The following EIF2A variants were observed in gnomAD, a reference collection of about 807,000 sequenced individuals.
EIF2A encodes 65 kDa eukaryotic translation initiation factor 2A.
Under a neutral mutation model 75.2 loss-of-function variants are expected in EIF2A, and 62 were observed. The observed-to-expected ratio is 0.82, with a 90% CI of 0.67 to 1.02. EIF2A has a LOEUF of 1.02. EIF2A is among the 50% of genes least tolerant of loss of function. EIF2A has a pLI of 0.00. For synonymous variants in EIF2A, 207 were observed against 239.0 expected (o/e 0.87, Z 1.23); for missense variants, 611 against 677.7 (o/e 0.90, Z 1.09).
intron 3 of EIF2A, among the ~76,000 whole-genome samples, chr3:150,559,710 C>CTAACTCCT (rs1344110454): frequency 3.3e-5 from 5 of 151,942 alleles, no homozygotes; most frequent in African/African-American, 1.2e-4. Context: ...AGGCTGGTCT[C>CTAACTCCT]TAACTCCTGA....
intron 9 of EIF2A, among the ~76,000 whole-genome samples, chr3:150,570,581 G>GAAAAAAAAAAAAT: frequency 7.2e-6 from 1 of 139,704 alleles, no homozygotes; most frequent in African/African-American, 2.6e-5. Flanking sequence ...AAAAAAAGAA[G>GAAAAAAAAAAAAT]AAGAAAAAAA....
intron 11 of EIF2A, among the ~76,000 whole-genome samples, chr3:150,581,264 T>C (rs1275588185): frequency 1.3e-5 from 2 of 152,198 alleles, no homozygotes; most frequent in African/African-American, 4.8e-5. Context: ...ATCATACATA[T>C]TCTTTATAGT....
intron 2 of EIF2A, among the ~76,000 whole-genome samples, chr3:150,557,035 A>G (rs73001332): frequency 0.15 from 22,536 of 152,212 alleles, 1,695 homozygotes; most frequent in Non-Finnish European, 0.16. Context: ...TCATTGGTTA[A>G]GGTCAGTAAA....
chr3:150,583,317 TTTTA>T, intron 13 of EIF2A, 52 bp downstream of exon 13: 1 of 1,537,358 alleles, frequency 6.5e-7, no homozygotes, highest in South Asian at 1.2e-5. Context: ...GCCTTCCCCC[TTTTA>T]TTATAAACAA....
chr3:150,583,692 A>G (rs1490723232), intron 13 of EIF2A, among the ~76,000 whole-genome samples, 154 bp from the exon 14 acceptor site: 1 of 147,904 alleles, frequency 6.8e-6, no homozygotes, highest in African/African-American at 2.7e-5. Context: ...TTCATACCAG[A>G]TAACAAATTA....
At chr3:150,550,327 G>T (rs907995429) in intron 1 of EIF2A, among the ~76,000 whole-genome samples, 9 of 152,190 alleles carry the variant, frequency 5.9e-5, no homozygotes, top group African/African-American at 2.2e-4. Context: ...TTGTTAGAAA[G>T]TTACATGTAG....
intron 4 of EIF2A, 179 bp downstream of exon 4, chr3:150,562,839 G>A (rs182428716): frequency 7.6e-4 from 373 of 488,440 alleles, no homozygotes; most frequent in African/African-American, 6.3e-3. Flanking sequence ...ACAATGTATT[G>A]AAAGTAATTT....
chr3:150,579,435 T>G lies in EIF2A; in HGVS notation c.1498-2183T>G, dbSNP rs1291021154. Among the ~76,000 whole-genome samples, 4 of 152,118 alleles carry G rather than the reference T, an allele frequency of 2.6e-5. No individual in the cohort carries two copies. The East Asian group carries it at 7.7e-4, about 29-fold the overall frequency. ...ACTTTAAAAAGAAAAATTGGCTGGATGCAGTGGCTCACACCTGTAATCCCA... is the reference window on the plus strand; with the variant it reads ...ACTTTAAAAAGAAAAATTGGCTGGAGGCAGTGGCTCACACCTGTAATCCCA... On this transcript the variant is annotated intron_variant, in intron 11 of 13. Coordinates refer to ENST00000460851, the MANE Select transcript of EIF2A (RefSeq NM_032025.5).
chr3:150,547,049 C>T, intron 1 of EIF2A: 1 of 592,094 alleles, frequency 1.7e-6, no homozygotes, highest in Non-Finnish European at 3.0e-6. Flanking sequence ...ACCCATCCAT[C>T]ATTCTTGCCT....
At chr3:150,553,410 A>C (rs947482628) in intron 2 of EIF2A, among the ~76,000 whole-genome samples, 1 of 151,956 alleles carries the variant, frequency 6.6e-6, no homozygotes, top group Non-Finnish European at 1.5e-5. Context: ...GAAGACCTGC[A>C]AAATTCTTTT....
chr3:150,549,939 G>C (rs146405359), intron 1 of EIF2A, among the ~76,000 whole-genome samples: 1 of 152,246 alleles, frequency 6.6e-6, no homozygotes, highest in East Asian at 1.9e-4. Context: ...GTTGGGAAAA[G>C]TATCGTATTT....
At chr3:150,580,044 T>C (rs565737359) in intron 11 of EIF2A, among the ~76,000 whole-genome samples, 9 of 152,334 alleles carry the variant, frequency 5.9e-5, no homozygotes, top group African/African-American at 2.2e-4. Flanking sequence ...TTATTTAGCC[T>C]GTGCAACGAA....
chr3:150,553,821 G>A (rs1723434960), intron 2 of EIF2A, among the ~76,000 whole-genome samples: 1 of 152,174 alleles, frequency 6.6e-6, no homozygotes, highest in South Asian at 2.1e-4. Flanking sequence ...CAGCATTAGA[G>A]TGAAAAGATA....
At chr3:150,547,720 A>T (rs1183948590) in intron 1 of EIF2A, among the ~76,000 whole-genome samples, 2 of 152,130 alleles carry the variant, frequency 1.3e-5, no homozygotes, top group Non-Finnish European at 2.9e-5. Context: ...ACATTTTTGC[A>T]CTTTTTGCCA....
chr3:150,561,596 A>C (rs2107921435), intron 3 of EIF2A, among the ~76,000 whole-genome samples: 1 of 151,916 alleles, frequency 6.6e-6, no homozygotes, highest in South Asian at 2.1e-4. Context: ...AATAAAACAA[A>C]AGTATACTTT....
At chr3:150,573,041 T>C (rs1724633583) in intron 10 of EIF2A, among the ~76,000 whole-genome samples, 1 of 152,168 alleles carries the variant, frequency 6.6e-6, no homozygotes, top group African/African-American at 2.4e-5. Flanking sequence ...AAAGAAAGTA[T>C]ATAGTAGACT....
At chr3:150,581,554 G>A in intron 11 of EIF2A, 64 bp from the exon 12 acceptor site, 3 of 1,517,192 alleles carry the variant, frequency 2.0e-6, no homozygotes, top group Non-Finnish European at 2.7e-6. Flanking sequence ...CCAAAGCTAT[G>A]TTGATTTAAA....
At chr3:150,569,390 C>T (rs146590999) in intron 9 of EIF2A, among the ~76,000 whole-genome samples, 1 of 151,042 alleles carries the variant, frequency 6.6e-6, no homozygotes, top group African/African-American at 2.4e-5. Context: ...TCTCTCTTGT[C>T]AGTCTAAAAC....
At chr3:150,553,907 A>G (rs1723440148) in intron 2 of EIF2A, among the ~76,000 whole-genome samples, 1 of 152,182 alleles carries the variant, frequency 6.6e-6, no homozygotes, top group South Asian at 2.1e-4. Flanking sequence ...GCCAATGAAA[A>G]GGCCTGGAAG....
Sources: gnomAD v4.1 joint callset for allele counts (sites outside exome capture counted in the v4.1 genomes callset) on GRCh38, gnomAD v4.1.1 for gene constraint, MANE v1.5 for transcripts, NCBI Gene and HGNC (gene_info 2026-07-23, HGNC 2026-07-21) for gene names.